The following CANT1 variants were observed in gnomAD, a reference collection of about 807,000 sequenced individuals.
The protein encoded by CANT1 is soluble calcium-activated nucleotidase 1.
Under a neutral mutation model 30.0 loss-of-function variants are expected in CANT1, and 26 were observed. The ratio of observed to expected loss-of-function variants is 0.87; its 90% CI spans 0.64 to 1.20. The LOEUF is 1.20. CANT1 is among the 50% of genes most tolerant of loss of function. The probability of loss-of-function intolerance (pLI) is 0.00; values close to 1 mark genes in which losing one functional copy is unlikely to be tolerated. For synonymous variants in CANT1, 246 were observed against 251.8 expected (o/e 0.98, Z 0.22); for missense variants, 518 against 563.0 (o/e 0.92, Z 0.81).
In CANT1 at chr17:79,008,202, G is replaced by C. The variant is rs927635480; in HGVS notation, c.-147+1462C>G. 1 of 152,384 alleles carries C rather than the reference G, an allele frequency of 6.6e-6. No homozygotes were observed. The highest frequency in any genetic ancestry group is 1.5e-5 in the Non-Finnish European group (1 of 68,188). 9.4% of individuals were successfully genotyped at this position (152,384 alleles called of 1,614,324 possible). A position where few individuals can be genotyped will look rare whatever the true frequency, so the allele number is the denominator to read the frequency against. On this transcript the variant is annotated intron_variant, in intron 1 of 4. Coordinates refer to ENST00000392446, the MANE Select transcript of CANT1 (RefSeq NM_001159773.2). This position sits in a 1 kb window ranked among gnomAD's most constrained non-coding sequence, Gnocchi z 4.4. ...ATAGAGGGCTCATTGAGGCCAGCAG[G>C]GAGGAGCACCTGGGAGGAGCCCCAC...
At chr17:79,005,316 G>A (rs2071510735) in intron 1 of CANT1, 1 of 152,002 alleles carries the variant, frequency 6.6e-6, no homozygotes, top group South Asian at 2.1e-4. Context: ...TGCACACCCA[G>A]GAGGCGTCTC....
chr17:79,004,075 G>C (rs569435746), intron 1 of CANT1, among the ~76,000 whole-genome samples: 35 of 23,042 alleles, frequency 1.5e-3, no homozygotes, highest in Admixed American at 0.012. Flanking sequence ...TTAGGGAGAG[G>C]GGAGTTAGGG....
At position 78,992,805 on chromosome 17, in the gene CANT1, A is replaced by C. The variant is rs778227480; in HGVS notation, c.*745T>G. 6.6e-6 allele frequency: 3 copies of C among 453,256 alleles called. No individual in the cohort carries two copies. The highest frequency in any genetic ancestry group is 1.3e-5 in the Non-Finnish European group (3 of 232,114). The allele number at this position is 453,256 out of a possible 1,614,324, so 28.1% of individuals were successfully genotyped here. On this transcript the variant is annotated 3_prime_UTR_variant, in exon 5 of 5. Transcript: ENST00000392446. ...CTACAGGACTGTGCTCTGTGTGATA[A>C]GATTTGGTGATTCCACTTTATAAGA... is the stretch of plus-strand genomic sequence containing the variant.
At chr17:79,009,443 G>A (rs2071668848) in intron 1 of CANT1, among the ~76,000 whole-genome samples, 1 of 152,258 alleles carries the variant, frequency 6.6e-6, no homozygotes. Context: ...GGTGTCCACC[G>A]CCTGTCGGAA....
In CANT1 at chr17:78,993,327, G is replaced by A. The variant is rs886053524; in HGVS notation, c.*223C>T. ...CCTTGAGTCAATGCCTGAAGTGACCGAAATCACCACCAGATGGCAGCATGG... is the reference window on the plus strand; with the variant it reads ...CCTTGAGTCAATGCCTGAAGTGACCAAAATCACCACCAGATGGCAGCATGG... On this transcript the variant is annotated 3_prime_UTR_variant, in exon 5 of 5. Transcript: ENST00000392446. The surrounding 1 kb of genome is among the most constrained non-coding windows in gnomAD (Gnocchi z 4.5). 1 of 607,292 alleles carries A rather than the reference G, an allele frequency of 1.6e-6. No homozygotes were observed. Among genetic ancestry groups the A allele is most frequent in the Non-Finnish European group, 2.9e-6 (1 of 348,414 alleles). 37.6% of individuals were successfully genotyped at this position (607,292 alleles called of 1,614,324 possible). A position where few individuals can be genotyped will look rare whatever the true frequency, so the allele number is the denominator to read the frequency against.
rs886578068 is a variant in CANT1 at position 78,992,010 on chromosome 17, A to G, written c.*1540T>C. ...GCCTGGACATCAAGGACAATGATCT[A>G]GGAGGCGGGTCAAGGAGACAGCCAG... On this transcript the variant is annotated 3_prime_UTR_variant, in exon 5 of 5. Transcript: ENST00000392446. 64 of 231,474 alleles carry G rather than the reference A, an allele frequency of 2.8e-4. 1 individual carries two copies. The highest frequency in any genetic ancestry group is 1.4e-3 in the African/African-American group (63 of 45,338). The allele number at this position is 231,474 out of a possible 1,614,324, so 14.3% of individuals were successfully genotyped here.
rs539347680 is a variant in CANT1 at position 78,996,629 on chromosome 17, T to C, written c.631+363A>G. Reference sequence around the variant, plus strand: ...CCCATGGCTTTCAGGGCAAGGCTCCTGGTAGGCACATCCTAGCGTGGTCTT... The same window carrying C: ...CCCATGGCTTTCAGGGCAAGGCTCCCGGTAGGCACATCCTAGCGTGGTCTT... On this transcript the variant is annotated intron_variant, in intron 3 of 4. Transcript: ENST00000392446. The surrounding 1 kb of genome is among the most constrained non-coding windows in gnomAD (Gnocchi z 5.1). Among the ~76,000 whole-genome samples the C allele has an allele frequency of 1.3e-5, 2 of 152,138 alleles. No homozygotes were observed. The highest frequency in any genetic ancestry group is 4.8e-5 in the African/African-American group (2 of 41,430).
Position 78,997,737 on chromosome 17 carries a change from T to A in CANT1, c.-22-93A>T. 2 of 1,154,760 alleles carry A rather than the reference T, an allele frequency of 1.7e-6. No individual in the cohort carries two copies. The highest frequency in any genetic ancestry group is 2.4e-6 in the Non-Finnish European group (2 of 840,042). 71.5% of individuals were successfully genotyped at this position (1,154,760 alleles called of 1,614,324 possible). ...AGCTGCAGGCGCTGGAGGCTGACTT[T>A]TCCAGAAGAAACAGTATTTCACTAC... On this transcript the variant is annotated intron_variant, in intron 2 of 4. Coordinates refer to ENST00000392446, the MANE Select transcript of CANT1 (RefSeq NM_001159773.2). This position sits in a 1 kb window ranked among gnomAD's most constrained non-coding sequence, Gnocchi z 7.5.
At position 78,992,113 on chromosome 17, in the gene CANT1, C is replaced by T. The variant is rs1465269286; in HGVS notation, c.*1437G>A. ...CTCTTCAGAAATGCGTCACATTCAGCGTTCACTTCCTTCGCTTCCTCCACT... is the reference window on the plus strand; with the variant it reads ...CTCTTCAGAAATGCGTCACATTCAGTGTTCACTTCCTTCGCTTCCTCCACT... On this transcript the variant is annotated 3_prime_UTR_variant, in exon 5 of 5. Transcript: ENST00000392446. 3 of 232,068 alleles carry T rather than the reference C, an allele frequency of 1.3e-5. No homozygotes were observed. The highest frequency in any genetic ancestry group is 2.2e-5 in the African/African-American group (1 of 45,276). The allele number at this position is 232,068 out of a possible 1,614,324, so 14.4% of individuals were successfully genotyped here.
At chr17:79,005,027 A>G (rs1297354886) in intron 1 of CANT1, among the ~76,000 whole-genome samples, 1 of 1,972 alleles carries the variant, frequency 5.1e-4, no homozygotes, top group Non-Finnish European at 7.9e-4. Flanking sequence ...GTTAGGGAGA[A>G]GGGAGTTAGG....
chr17:79,002,443 G>A lies in CANT1; in HGVS notation c.-146-4480C>T, dbSNP rs923553202. Reference sequence around the variant, plus strand: ...ACCCGTGGGCCAAATGCAGTCTCCCGCCTAGTGTGTAGATGCGGCCTGTGT... The same window carrying A: ...ACCCGTGGGCCAAATGCAGTCTCCCACCTAGTGTGTAGATGCGGCCTGTGT... On this transcript the variant is annotated intron_variant, in intron 1 of 4. Transcript: ENST00000392446. The surrounding 1 kb of genome is among the most constrained non-coding windows in gnomAD (Gnocchi z 4.0). 6.6e-6 allele frequency among the ~76,000 whole-genome samples: 1 copy of A among 152,218 alleles called. No individual in the cohort carries two copies. Among genetic ancestry groups the A allele is most frequent in the African/African-American group, 2.4e-5 (1 of 41,458 alleles).
rs985279374 is a variant in CANT1, at chr17:78,997,777, T to C, written c.-23+63A>G. 1.4e-6 allele frequency: 1 copy of C among 712,752 alleles called. No individual in the cohort carries two copies. Among genetic ancestry groups the C allele is most frequent in the Non-Finnish European group, 2.2e-6 (1 of 460,892 alleles). The allele number at this position is 712,752 out of a possible 1,614,324, so 44.2% of individuals were successfully genotyped here. A position where few individuals can be genotyped will look rare whatever the true frequency, so the allele number is the denominator to read the frequency against. On this transcript the variant is annotated intron_variant, in intron 2 of 4. Coordinates refer to ENST00000392446, the MANE Select transcript of CANT1 (RefSeq NM_001159773.2). The surrounding 1 kb of genome is among the most constrained non-coding windows in gnomAD (Gnocchi z 7.5). ...TATTTCACTACTCTGTGGCCATTCT[T>C]ACTCCCTTGGCTTAATGAATTCCCG...
At chr17:78,999,136 C>T (rs771679561) in intron 1 of CANT1, among the ~76,000 whole-genome samples, 8 of 152,126 alleles carry the variant, frequency 5.3e-5, no homozygotes, top group Non-Finnish European at 1.0e-4. Context: ...GTTTTAGCCC[C>T]AGGGTGAGGT....
chr17:78,994,015 C>A (rs1046462527), intron 4 of CANT1, 95 bp from the exon 5 acceptor site: 1 of 1,461,004 alleles, frequency 6.8e-7, no homozygotes, highest in African/African-American at 1.4e-5. Flanking sequence ...CAAGGGGCTG[C>A]GACCACCAGG....
rs879335768 is a variant in CANT1, at chr17:78,998,739, TG to T, written c.-146-777del. On this transcript the variant is annotated intron_variant, in intron 1 of 4. Transcript: ENST00000392446. The surrounding 1 kb of genome is among the most constrained non-coding windows in gnomAD (Gnocchi z 4.5). ...AGCCGCCAAGTGCCACAGTGGGGCG[TG>T]GGGAGACAGCTCCCGGTGCTTCGAT... Among the ~76,000 whole-genome samples the T allele has an allele frequency of 2.7e-4, 41 of 152,212 alleles. No homozygotes were observed. Among genetic ancestry groups the T allele is most frequent in the Non-Finnish European group, 4.3e-4 (29 of 68,020 alleles).
chr17:79,003,939 A>G (rs1455609611), intron 1 of CANT1, among the ~76,000 whole-genome samples: 1 of 50,058 alleles, frequency 2.0e-5, no homozygotes, highest in East Asian at 5.7e-4. Flanking sequence ...GCTGGGAGTT[A>G]GGGAGCGGGG....
rs2071069861 is a variant in CANT1 at position 78,997,280 on chromosome 17, T to C, written c.343A>G (p.Thr115Ala). The C allele has an allele frequency of 6.2e-7, 1 of 1,614,214 alleles. No homozygotes were observed. Among genetic ancestry groups the C allele is most frequent in the Non-Finnish European group, 8.5e-7 (1 of 1,180,042 alleles). The change falls in exon 3 of 5, where the codon ACA becomes GCA. Residue 115 changes from threonine to alanine, a missense_variant. Around this residue, in one of 3 missense-constraint regions of CANT1, gnomAD observed 249 missense variants for 268.8 expected, o/e 0.93. Coordinates refer to ENST00000392446, the MANE Select transcript of CANT1 (RefSeq NM_001159773.2). The surrounding 1 kb of genome is among the most constrained non-coding windows in gnomAD (Gnocchi z 7.5). ...YRIAVIADLD[T>A]ESRAQEENTW... ...TTTTCCTCTTGGGCCCTTGACTCTG[T>C]GTCCAGGTCTGCGATAACTGCGATT...
chr17:79,006,507 G>A (rs1425813675), intron 1 of CANT1, among the ~76,000 whole-genome samples: 1 of 152,194 alleles, frequency 6.6e-6, no homozygotes, highest in Non-Finnish European at 1.5e-5. Context: ...CCAATCACAG[G>A]AGGAAGAGGG....
rs2071013872 is a variant in CANT1 at position 78,995,691 on chromosome 17, A to T, written c.632-470T>A. Among the ~76,000 whole-genome samples, 1 of 152,052 alleles carries T rather than the reference A, an allele frequency of 6.6e-6. No homozygotes were observed. Among genetic ancestry groups the T allele is most frequent in the Non-Finnish European group, 1.5e-5 (1 of 68,010 alleles). Reference sequence around the variant, plus strand: ...TTCAGAAGCTGTTTTTGCTTTTTTTAAACTGATTTATTTAAAATAAGCCTA... The same window carrying T: ...TTCAGAAGCTGTTTTTGCTTTTTTTTAACTGATTTATTTAAAATAAGCCTA... On this transcript the variant is annotated intron_variant, in intron 3 of 4. Transcript: ENST00000392446. The surrounding 1 kb of genome is among the most constrained non-coding windows in gnomAD (Gnocchi z 5.7).
Sources: allele counts gnomAD v4.1 joint callset (sites outside exome capture counted in the v4.1 genomes callset), GRCh38; gene constraint gnomAD v4.1.1; regional missense constraint gnomAD v4.1.1; non-coding constraint Gnocchi (gnomAD v3.1); transcripts MANE v1.5; gene names NCBI Gene and HGNC (gene_info 2026-07-23, HGNC 2026-07-21).